PRDM15: variants seen among roughly 807,000 people sequenced by gnomAD.
PRDM15 encodes PR domain zinc finger protein 15.
In PRDM15, 64 loss-of-function variants were observed where a neutral mutation model predicts 128.6. The ratio of observed to expected loss-of-function variants is 0.50; its 90% CI spans 0.41 to 0.61. PRDM15 has a LOEUF of 0.61. Among genes scored for constraint, PRDM15 ranks in the 20% least tolerant of loss-of-function variants. The pLI, the probability that PRDM15 is intolerant of heterozygous loss-of-function variation, is 0.00. For synonymous variants in PRDM15, 615 were observed against 621.8 expected (o/e 0.99, Z 0.16); for missense variants, 1,242 against 1,569.1 (o/e 0.79, Z 3.52).
chr21:41,814,772 T>C (rs942661138), intron 19 of PRDM15: 1 of 152,038 alleles, frequency 6.6e-6, no homozygotes, highest in Admixed American at 6.6e-5. Flanking sequence ...TAGTGTTTTA[T>C]GAGAATGCCT....
chr21:41,859,718 A>G lies in PRDM15; in HGVS notation c.38-33T>C, dbSNP rs371357012. The G allele has an allele frequency of 5.9e-5, 94 of 1,580,544 alleles. No individual in the cohort carries two copies. The East Asian group carries it at 9.7e-4, about 16-fold the overall frequency. On this transcript the variant is annotated intron_variant, in intron 2 of 23. Transcript: ENST00000398548. This position sits in a 1 kb window ranked among gnomAD's most constrained non-coding sequence, Gnocchi z 5.3. ...CAGACATCCGGGCATTAGAGCACCCAGGGAGGGAGACACCTAAAGAACACA... is the reference window on the plus strand; with the variant it reads ...CAGACATCCGGGCATTAGAGCACCCGGGGAGGGAGACACCTAAAGAACACA...
At chr21:41,856,506 A>G (rs2063639682) in intron 4 of PRDM15, among the ~76,000 whole-genome samples, 1 of 151,710 alleles carries the variant, frequency 6.6e-6, no homozygotes, top group Non-Finnish European at 1.5e-5. Context: ...TGTTTATTTC[A>G]CAGATATTTC....
rs1420340218 is a variant in PRDM15, at chr21:41,832,136, A to C, written c.1366+3301T>G. ...TTAATGGCTACGTGATATTCCATCC[A>C]GCTCACTTCTCAAAACTCACTTTGC... On this transcript the variant is annotated intron_variant, in intron 11 of 23. Transcript: ENST00000398548. This position sits in a 1 kb window ranked among gnomAD's most constrained non-coding sequence, Gnocchi z 4.2. Among the ~76,000 whole-genome samples the C allele has an allele frequency of 6.6e-6, 1 of 152,238 alleles. No individual in the cohort carries two copies. Among genetic ancestry groups the C allele is most frequent in the African/African-American group, 2.4e-5 (1 of 41,466 alleles).
chr21:41,877,091 T>C (rs2064444506), intron 1 of PRDM15, among the ~76,000 whole-genome samples: 1 of 152,126 alleles, frequency 6.6e-6, no homozygotes, highest in African/African-American at 2.4e-5. Flanking sequence ...TTTGCCACCA[T>C]CTGCCTGGTG....
At chr21:41,840,752 A>C (rs2063050800) in intron 6 of PRDM15, among the ~76,000 whole-genome samples, 1 of 152,162 alleles carries the variant, frequency 6.6e-6, no homozygotes, top group Non-Finnish European at 1.5e-5. Flanking sequence ...AACTGGGGGA[A>C]AATACATTTA....
intron 18 of PRDM15, 128 bp downstream of exon 18, chr21:41,819,454 G>C: frequency 9.9e-7 from 1 of 1,005,714 alleles, no homozygotes; most frequent in South Asian, 1.6e-5. Flanking sequence ...TCGGCCCGTG[G>C]CCCCGGCCCC....
Position 41,821,880 on chromosome 21 carries a change from A to G in PRDM15, c.1896+23T>C, listed in dbSNP as rs145381935. Reference sequence around the variant, plus strand: ...ACCTTCCTCTCCAGACCACCCAGGCACCGCGGGGCAAACCCGCCATACCTG... The same window carrying G: ...ACCTTCCTCTCCAGACCACCCAGGCGCCGCGGGGCAAACCCGCCATACCTG... On this transcript the variant is annotated intron_variant, in intron 15 of 23. Coordinates refer to ENST00000398548, the MANE Select transcript of PRDM15 (RefSeq NM_001040424.3). This position sits in a 1 kb window ranked among gnomAD's most constrained non-coding sequence, Gnocchi z 5.4. 3,316 of 1,612,280 alleles carry G rather than the reference A, an allele frequency of 2.1e-3. 47 individuals are homozygous for G. The East Asian group carries it at 0.039, about 19-fold the overall frequency.
chr21:41,800,434 TTAACA>T lies in PRDM15; in HGVS notation c.*801_*805del, dbSNP rs1363747860. 2 of 152,436 alleles carry T rather than the reference TTAACA, an allele frequency of 1.3e-5. No homozygotes were observed. The highest frequency in any genetic ancestry group is 4.8e-5 in the African/African-American group (2 of 41,384). The allele number at this position is 152,436 out of a possible 1,614,324, so 9.4% of individuals were successfully genotyped here. A position where few individuals can be genotyped will look rare whatever the true frequency, so the allele number is the denominator to read the frequency against. On this transcript the variant is annotated 3_prime_UTR_variant, in exon 24 of 24. Coordinates refer to ENST00000398548, the MANE Select transcript of PRDM15 (RefSeq NM_001040424.3). ...CTACAGTGCACATGACTTTATCATG[TTAACA>T]TAAAACTAAAACACAATATTGGCCA...
At chr21:41,869,853 C>T (rs974541743) in intron 1 of PRDM15, among the ~76,000 whole-genome samples, 2 of 152,364 alleles carry the variant, frequency 1.3e-5, no homozygotes, top group African/African-American at 4.8e-5. Flanking sequence ...TTGTCTACAA[C>T]GCCCCATGGC....
intron 21 of PRDM15, among the ~76,000 whole-genome samples, chr21:41,807,191 T>C (rs1378219347): frequency 2.0e-5 from 3 of 152,218 alleles, no homozygotes; most frequent in African/African-American, 4.8e-5. Flanking sequence ...TCTTAGGATA[T>C]AAGAAAAAAG....
At position 41,854,322 on chromosome 21, in the gene PRDM15, TCTGTTGTTAAACACTGCCTCA is replaced by T. The variant is rs937862720; in HGVS notation, c.538+223_538+243del. On this transcript the variant is annotated intron_variant, in intron 5 of 23. Transcript: ENST00000398548. This position sits in a 1 kb window ranked among gnomAD's most constrained non-coding sequence, Gnocchi z 4.6. Reference sequence around the variant, plus strand: ...CAGGACACATTTCTGAGAATGTATCTCTGTTGTTAAACACTGCCTCACTGTGTTAACTTGTGTTACATCCAC... The same window carrying T: ...CAGGACACATTTCTGAGAATGTATCTCTGTGTTAACTTGTGTTACATCCAC... Among the ~76,000 whole-genome samples, 1 of 152,042 alleles carries T rather than the reference TCTGTTGTTAAACACTGCCTCA, an allele frequency of 6.6e-6. No homozygotes were observed. Among genetic ancestry groups the T allele is most frequent in the African/African-American group, 2.4e-5 (1 of 41,412 alleles).
chr21:41,800,915 C>T lies in PRDM15; in HGVS notation c.*325G>A. ...TCTTAAAATCCTGCTTCTCTCTCAG[C>T]TTCACTTTCCCGAACCCTGTGTCGG... On this transcript the variant is annotated 3_prime_UTR_variant, in exon 24 of 24. Transcript: ENST00000398548. 1 of 296,822 alleles carries T rather than the reference C, an allele frequency of 3.4e-6. No individual in the cohort carries two copies. The highest frequency in any genetic ancestry group is 6.2e-6 in the Non-Finnish European group (1 of 161,540). 18.4% of individuals were successfully genotyped at this position (296,822 alleles called of 1,614,324 possible).
At chr21:41,846,372 C>T (rs369016599) in intron 6 of PRDM15, among the ~76,000 whole-genome samples, 1 of 152,334 alleles carries the variant, frequency 6.6e-6, no homozygotes, top group East Asian at 1.9e-4. Context: ...AATTCTCTCC[C>T]GGCCACCTTA....
At chr21:41,807,798 C>G (rs931868414) in intron 21 of PRDM15, among the ~76,000 whole-genome samples, 1 of 152,136 alleles carries the variant, frequency 6.6e-6, no homozygotes, top group Non-Finnish European at 1.5e-5. Context: ...CAAATTGGTT[C>G]GAGAACAAAG....
intron 4 of PRDM15, among the ~76,000 whole-genome samples, chr21:41,855,788 T>A (rs1320256604): frequency 6.6e-6 from 1 of 152,236 alleles, no homozygotes; most frequent in Non-Finnish European, 1.5e-5. Flanking sequence ...ACTGTGTACG[T>A]CGACCGGATG....
Position 41,801,420 on chromosome 21 carries a change from C to T in PRDM15, c.3246G>A (p.Thr1082=), listed in dbSNP as rs116436673. Residue 1082 remains threonine, a synonymous_variant, in exon 24 of 24, where the codon ACG becomes ACA. Transcript: ENST00000398548. ...PQSVAHFINL[T]TLVNSITPLG... is the part of the protein sequence containing the mutation. ...GGGGCGTGATGGAGTTGACCAGGGT[C>T]GTCAGGTTGATGAAATGGGCCACAG... 3.1e-4 allele frequency: 498 copies of T among 1,613,994 alleles called. 2 individuals are homozygous for T. The African/African-American group carries it at 5.6e-3, about 18-fold the overall frequency.
In PRDM15 at chr21:41,821,959, T is replaced by G; in HGVS notation, c.1840A>C (p.Asn614His). ...TCCGAGTCTGCGCTCTCGTCAGAAT[T>G]GTCATCGTTTTCTTCCGAGGAGATC... is the stretch of plus-strand genomic sequence containing the variant. ...IGISSEENDD[N>H]SDESADSEPH... Residue 614 changes from asparagine to histidine, a missense_variant, in exon 15 of 24, where the codon AAT (asparagine) becomes CAT (histidine). Asn to His is a moderately conservative substitution (Grantham distance 68). Coordinates refer to ENST00000398548, the MANE Select transcript of PRDM15 (RefSeq NM_001040424.3). The surrounding 1 kb of genome is among the most constrained non-coding windows in gnomAD (Gnocchi z 5.4). 1.2e-6 allele frequency: 2 copies of G among 1,614,206 alleles called. No individual in the cohort carries two copies. The highest frequency in any genetic ancestry group is 1.7e-6 in the Non-Finnish European group (2 of 1,180,044).
rs756082823 is a variant in PRDM15, at chr21:41,854,744, C to T, written c.360G>A (p.Val120=). The T allele has an allele frequency of 3.1e-6, 5 of 1,613,102 alleles. No homozygotes were observed. In the African/African-American group the frequency reaches 6.7e-5, roughly 22 times the overall value. ...GGTGCTCGGCCTCCGCCGCTGGCCG[C>T]ACCAGCATCATCCAGTTGCAGTCAT... ...NEDDCNWMML[V]RPAAEAEHQN... is the part of the protein sequence containing the mutation. Residue 120 remains valine (V), a synonymous_variant, in exon 5 of 24, where the codon GTG becomes GTA. Transcript: ENST00000398548. This position sits in a 1 kb window ranked among gnomAD's most constrained non-coding sequence, Gnocchi z 4.6.
chr21:41,818,099 T>A (rs1367638302), intron 18 of PRDM15, among the ~76,000 whole-genome samples: 1 of 152,122 alleles, frequency 6.6e-6, no homozygotes, highest in Non-Finnish European at 1.5e-5. Flanking sequence ...TACGCGCTAC[T>A]CAGGACCCCT....
Sources: allele counts gnomAD v4.1 joint callset (sites outside exome capture counted in the v4.1 genomes callset), GRCh38; gene constraint gnomAD v4.1.1; non-coding constraint Gnocchi (gnomAD v3.1); transcripts MANE v1.5; gene names NCBI Gene and HGNC (gene_info 2026-07-23, HGNC 2026-07-21).